MARCHF4: variants seen among roughly 807,000 people sequenced by gnomAD.
MARCHF4 encodes the protein membrane associated ring-CH-type finger 4, also known as E3 ubiquitin-protein ligase MARCHF4.
MARCHF4 carries 14 observed loss-of-function variants against 43.9 expected under a neutral mutation model. The observed-to-expected ratio is 0.32, with a 90% CI of 0.21 to 0.50. The LOEUF (loss-of-function observed/expected upper bound fraction) is 0.50, where lower values mean the gene tolerates loss of function less well. MARCHF4 is among the 20% of genes least tolerant of loss of function. The pLI is 0.98. For synonymous variants in MARCHF4, 226 were observed against 213.3 expected (o/e 1.06, Z -0.52); for missense variants, 468 against 536.7 (o/e 0.87, Z 1.27).
intron 1 of MARCHF4, among the ~76,000 whole-genome samples, chr2:216,348,242 G>T (rs1237378751): frequency 6.6e-6 from 1 of 151,906 alleles, no homozygotes; most frequent in Non-Finnish European, 1.5e-5. Flanking sequence ...TCTCCATGTT[G>T]GTCAGCCTGG....
chr2:216,348,739 T>C (rs1340082264), intron 1 of MARCHF4, among the ~76,000 whole-genome samples: 1 of 152,232 alleles, frequency 6.6e-6, no homozygotes, highest in African/African-American at 2.4e-5. Context: ...GAATTATTTC[T>C]TGCTAGAAAT....
chr2:216,295,664 C>T (rs1233609082), intron 1 of MARCHF4, among the ~76,000 whole-genome samples: 1 of 152,170 alleles, frequency 6.6e-6, no homozygotes, highest in Admixed American at 6.5e-5. Context: ...ACAAGGGGTG[C>T]CTTCTGTGTA....
intron 1 of MARCHF4, among the ~76,000 whole-genome samples, chr2:216,350,499 ATGCCACACCATCACCACTG>A (rs1692389474): frequency 6.7e-6 from 1 of 148,860 alleles, no homozygotes; most frequent in Non-Finnish European, 1.5e-5. Flanking sequence ...TAACCTCATC[ATGCCACACCATCACCACTG>A]TGCCACACCA....
At chr2:216,366,864 C>T (rs1692674133) in intron 1 of MARCHF4, among the ~76,000 whole-genome samples, 1 of 152,156 alleles carries the variant, frequency 6.6e-6, no homozygotes, top group Non-Finnish European at 1.5e-5. Context: ...GAAATCTCAT[C>T]TATTTTGTTC....
intron 1 of MARCHF4, among the ~76,000 whole-genome samples, chr2:216,296,809 C>T (rs976457517): frequency 2.0e-5 from 3 of 152,120 alleles, no homozygotes; most frequent in African/African-American, 7.2e-5. Flanking sequence ...AACTGAAAAA[C>T]CTGCCACCCA....
chr2:216,337,307 T>C (rs541414902), intron 1 of MARCHF4, among the ~76,000 whole-genome samples: 4 of 152,232 alleles, frequency 2.6e-5, no homozygotes, highest in Non-Finnish European at 5.9e-5. Context: ...ATCAGCGGAC[T>C]GTTATGAAGC....
rs571236344 is a variant in MARCHF4, at chr2:216,287,597, G to A, written c.517-3868C>T. ...ATTGTTCAATTCCCAATGAGAACAC[G>A]TGGACACAGGAAGGGGAACATCACA... On this transcript the variant is annotated intron_variant, in intron 1 of 3. Transcript: ENST00000273067. 7.0e-5 allele frequency among the ~76,000 whole-genome samples: 10 copies of A among 142,474 alleles called. No individual in the cohort carries two copies. The South Asian group carries it at 7.1e-4, about 10-fold the overall frequency. 93.5% of individuals were successfully genotyped at this position (142,474 alleles called of 152,430 possible).
At chr2:216,354,613 G>C (rs1390114346) in intron 1 of MARCHF4, among the ~76,000 whole-genome samples, 2 of 152,248 alleles carry the variant, frequency 1.3e-5, no homozygotes, top group African/African-American at 4.8e-5. Flanking sequence ...CCTGTACTGA[G>C]TGGTCACTGA....
chr2:216,322,688 G>A (rs903236253), intron 1 of MARCHF4, among the ~76,000 whole-genome samples: 1 of 152,166 alleles, frequency 6.6e-6, no homozygotes, highest in Non-Finnish European at 1.5e-5. Flanking sequence ...CGGGTGCGGT[G>A]GTGGGTGCCT....
At chr2:216,322,584 G>T (rs1448314004) in intron 1 of MARCHF4, among the ~76,000 whole-genome samples, 2 of 152,234 alleles carry the variant, frequency 1.3e-5, no homozygotes, top group East Asian at 3.9e-4. Flanking sequence ...CACTTTGGGA[G>T]GCCGAGGCAG....
intron 3 of MARCHF4, among the ~76,000 whole-genome samples, chr2:216,267,357 T>C (rs1690862722): frequency 6.6e-6 from 1 of 152,004 alleles, no homozygotes; most frequent in Non-Finnish European, 1.5e-5. Flanking sequence ...AAAAAAGAAA[T>C]GGGTATTGAG....
intron 2 of MARCHF4, among the ~76,000 whole-genome samples, chr2:216,279,384 T>C (rs905200645): frequency 1.3e-5 from 2 of 152,212 alleles, no homozygotes; most frequent in Non-Finnish European, 2.9e-5. Flanking sequence ...TTGTAGAATA[T>C]GCAGAGACTT....
In MARCHF4 at chr2:216,277,770, A is replaced by G. The variant is rs1679353524; in HGVS notation, c.767T>C (p.Ile256Thr). The change falls in exon 3 of 4, where the codon ATC (isoleucine) becomes ACC (threonine). Residue 256 changes from isoleucine (I) to threonine (T), a missense_variant. Around this residue, in one of 3 missense-constraint regions of MARCHF4, gnomAD observed 158 missense variants for 251.1 expected, o/e 0.63. Transcript: ENST00000273067. ...TGCCGAGGGGCTGAAAGTTGACCAG[A>G]TGAGCCAAGAAATACTGGCGATGAG... ...LFLIASISWLIWSTFSPSARW... is the reference protein window; with the variant it reads ...LFLIASISWLTWSTFSPSARW... 1.2e-6 allele frequency: 2 copies of G among 1,614,108 alleles called. No individual in the cohort carries two copies. Among genetic ancestry groups the G allele is most frequent in the Non-Finnish European group, 1.7e-6 (2 of 1,180,038 alleles).
chr2:216,264,827 A>G (rs1690819361), intron 3 of MARCHF4, among the ~76,000 whole-genome samples: 1 of 152,210 alleles, frequency 6.6e-6, no homozygotes, highest in Non-Finnish European at 1.5e-5. Context: ...TAGTTAAACC[A>G]TTTTAATGGA....
intron 1 of MARCHF4, among the ~76,000 whole-genome samples, chr2:216,352,251 G>C (rs1295500695): frequency 3.3e-5 from 5 of 152,216 alleles, no homozygotes; most frequent in Non-Finnish European, 7.3e-5. Flanking sequence ...AGGTACTCCT[G>C]TGTCCCCCTT....
chr2:216,267,578 T>A (rs1368954026), intron 3 of MARCHF4, among the ~76,000 whole-genome samples: 1 of 152,168 alleles, frequency 6.6e-6, no homozygotes, highest in South Asian at 2.1e-4. Flanking sequence ...GGGGCTTATT[T>A]TTTTCTATCT....
chr2:216,269,156 A>G (rs1207962339), intron 3 of MARCHF4, among the ~76,000 whole-genome samples: 2 of 152,242 alleles, frequency 1.3e-5, no homozygotes, highest in East Asian at 3.8e-4. Context: ...TCACAAGTTA[A>G]AAACAAACAT....
chr2:216,353,678 G>A (rs1692437139), intron 1 of MARCHF4, among the ~76,000 whole-genome samples: 1 of 152,184 alleles, frequency 6.6e-6, no homozygotes, highest in Non-Finnish European at 1.5e-5. Context: ...CTCCTGAGTA[G>A]CTGGGATTAC....
At position 216,289,065 on chromosome 2, in the gene MARCHF4, A is replaced by G. The variant is rs1230761778; in HGVS notation, c.517-5336T>C. On this transcript the variant is annotated intron_variant, in intron 1 of 3. Transcript: ENST00000273067. ...TATATATATAAACATATATATATAT[A>G]TATTTATTTTTATTTATTTATTTTT... 2.7e-5 allele frequency among the ~76,000 whole-genome samples: 4 copies of G among 146,558 alleles called. No individual in the cohort carries two copies. In the Admixed American group the frequency reaches 2.7e-4, roughly 10 times the overall value.
Sources: gnomAD v4.1 joint callset for allele counts (sites outside exome capture counted in the v4.1 genomes callset) on GRCh38, gnomAD v4.1.1 for gene constraint, gnomAD v4.1.1 regional missense constraint, MANE v1.5 for transcripts, NCBI Gene and HGNC (gene_info 2026-07-23, HGNC 2026-07-21) for gene names.